EVA1C: variants seen among roughly 807,000 people sequenced by gnomAD.
EVA1C encodes eva-1 homolog C.
In EVA1C, 25 loss-of-function variants were observed where a neutral mutation model predicts 45.4. The observed-to-expected ratio is 0.55, with a 90% CI of 0.40 to 0.77. The LOEUF is 0.77. Among genes scored for constraint, EVA1C ranks in the 30% least tolerant of loss-of-function variants. The pLI is 0.00. For missense variants in EVA1C, 479 were observed against 554.8 expected (o/e 0.86, Z 1.37); for synonymous variants, 190 against 221.2 (o/e 0.86, Z 1.25).
intron 4 of EVA1C, 25 bp from the exon 5 acceptor site, chr21:32,495,002 G>C (rs768388099): frequency 1.2e-6 from 2 of 1,612,296 alleles, no homozygotes; most frequent in South Asian, 2.2e-5. Context: ...GCAACCTGAA[G>C]TTCTGGGTGT....
intron 4 of EVA1C, among the ~76,000 whole-genome samples, chr21:32,481,777 G>C (rs2036798349): frequency 1.3e-5 from 2 of 152,222 alleles, no homozygotes; most frequent in African/African-American, 4.8e-5. Flanking sequence ...AAATCGATAA[G>C]GGAGAATAAA....
At chr21:32,433,367 G>A (rs2034788517) in intron 1 of EVA1C, 1 of 152,372 alleles carries the variant, frequency 6.6e-6, no homozygotes, top group Non-Finnish European at 1.5e-5. Context: ...AGGCCTCCTG[G>A]TGTTCCCTGA....
intron 1 of EVA1C, among the ~76,000 whole-genome samples, chr21:32,417,111 TG>T (rs1163436557): frequency 6.6e-6 from 1 of 152,222 alleles, no homozygotes; most frequent in Non-Finnish European, 1.5e-5. Flanking sequence ...GGATTACAGG[TG>T]TGCACCACCC....
intron 1 of EVA1C, among the ~76,000 whole-genome samples, chr21:32,437,689 A>G (rs1221844154): frequency 6.6e-6 from 1 of 151,378 alleles, no homozygotes; most frequent in African/African-American, 2.4e-5. Context: ...TGCTGGCATC[A>G]CCTCCCACCT....
chr21:32,461,701 A>G (rs1213309535), intron 3 of EVA1C, among the ~76,000 whole-genome samples: 1 of 152,200 alleles, frequency 6.6e-6, no homozygotes, highest in African/African-American at 2.4e-5. Context: ...AATGCCACTG[A>G]TCGGGTTTAT....
intron 1 of EVA1C, among the ~76,000 whole-genome samples, chr21:32,436,309 G>T (rs1023957315): frequency 6.9e-6 from 1 of 145,194 alleles, no homozygotes; most frequent in South Asian, 2.2e-4. Context: ...TGATCCACCC[G>T]CCTCGGCCTC....
intron 4 of EVA1C, among the ~76,000 whole-genome samples, chr21:32,479,527 G>A (rs745996123): frequency 6.6e-6 from 1 of 152,126 alleles, no homozygotes; most frequent in Admixed American, 6.6e-5. Context: ...AGAATCCTGC[G>A]AACCATTCAG....
intron 1 of EVA1C, among the ~76,000 whole-genome samples, chr21:32,451,247 GCCCT>G (rs1466929695): frequency 6.6e-6 from 1 of 152,180 alleles, no homozygotes; most frequent in Admixed American, 6.5e-5. Flanking sequence ...TTCCTAAGCT[GCCCT>G]CCTTCACGCC....
chr21:32,450,070 C>T (rs2035522818), intron 1 of EVA1C, among the ~76,000 whole-genome samples: 1 of 152,228 alleles, frequency 6.6e-6, no homozygotes, highest in South Asian at 2.1e-4. Flanking sequence ...ATTCTATGCA[C>T]TGAGCTTCTG....
chr21:32,435,823 G>A (rs76754769), intron 1 of EVA1C, among the ~76,000 whole-genome samples: 1 of 127,104 alleles, frequency 7.9e-6, no homozygotes, highest in Admixed American at 8.0e-5. Flanking sequence ...TCATGATACT[G>A]TCATTTGTTA....
At position 32,457,609 on chromosome 21, in the gene EVA1C, G is replaced by A. The variant is rs1477197184; in HGVS notation, c.370G>A (p.Glu124Lys). The stretch of plus-strand genomic sequence containing the variant: ...CCTCTCCTTCTAGAAGGTGCTGGAC[G>A]AATGCCAGAACCAGCGGGCCTGCCA... ...AATTFQKVLD[E>K]CQNQRACHLL... The change falls in exon 3 of 8, where the codon GAA becomes AAA. Residue 124 changes from glutamate (E) to lysine (K), a missense_variant. By Grantham distance (56) the Glu-to-Lys change is moderately conservative. Transcript: ENST00000300255. The A allele has an allele frequency of 3.7e-6, 6 of 1,614,176 alleles. No homozygotes were observed. Among genetic ancestry groups the A allele is most frequent in the Middle Eastern group, 1.7e-4 (1 of 6,060 alleles).
intron 1 of EVA1C, among the ~76,000 whole-genome samples, chr21:32,423,636 C>G (rs185358078): frequency 4.5e-4 from 69 of 152,032 alleles, no homozygotes; most frequent in Non-Finnish European, 7.9e-4. Context: ...TTTACATTTC[C>G]TTACATGAAT....
At chr21:32,471,830 A>G (rs942243063) in intron 4 of EVA1C, among the ~76,000 whole-genome samples, 32 of 151,366 alleles carry the variant, frequency 2.1e-4, no homozygotes, top group African/African-American at 3.6e-4. Context: ...GGGTTTCACT[A>G]TGTTAGCCAG....
At chr21:32,459,404 C>G (rs2035913593) in intron 3 of EVA1C, among the ~76,000 whole-genome samples, 1 of 152,220 alleles carries the variant, frequency 6.6e-6, no homozygotes, top group South Asian at 2.1e-4. Context: ...TCTCAGTGTT[C>G]TTCCTCACTT....
rs547987833 is a variant in EVA1C, at chr21:32,509,466, A to AG, written c.950-5345dup. Among the ~76,000 whole-genome samples the AG allele has an allele frequency of 7.1e-4, 108 of 152,252 alleles. 1 individual carries two copies. The highest frequency in any genetic ancestry group is 2.0e-3 in the African/African-American group (85 of 41,550). On this transcript the variant is annotated intron_variant, in intron 7 of 7. Coordinates refer to ENST00000300255, the MANE Select transcript of EVA1C (RefSeq NM_058187.5). ...CACCCACCTCCCAGGAGAAGAGGAG[A>AG]GGGAAAAAAAGGGAGCTGATTTATG...
chr21:32,422,286 G>A (rs972320520), intron 1 of EVA1C, among the ~76,000 whole-genome samples: 4 of 152,136 alleles, frequency 2.6e-5, no homozygotes, highest in South Asian at 2.1e-4. Flanking sequence ...GAAATTATCC[G>A]GAATGAAGCA....
intron 2 of EVA1C, among the ~76,000 whole-genome samples, chr21:32,457,125 T>C (rs941610437): frequency 1.3e-5 from 2 of 152,184 alleles, no homozygotes; most frequent in East Asian, 1.9e-4. Context: ...AGCTCCCCGA[T>C]GCACAGCTCT....
At chr21:32,507,869 T>TCATGTGTGTGCATGTGTATCTGTG (rs1245800690) in intron 7 of EVA1C, among the ~76,000 whole-genome samples, 2 of 149,592 alleles carry the variant, frequency 1.3e-5, no homozygotes, top group African/African-American at 4.9e-5. Flanking sequence ...GTGTGTGCCG[T>TCATGTGTGTGCATGTGTATCTGTG]CATGTGTGTG....
At chr21:32,435,182 G>T (rs2034892751) in intron 1 of EVA1C, among the ~76,000 whole-genome samples, 1 of 151,090 alleles carries the variant, frequency 6.6e-6, no homozygotes, top group Non-Finnish European at 1.5e-5. Flanking sequence ...GGCCTTCTTT[G>T]TTGTCCCATC....
Sources: gnomAD v4.1 joint callset for allele counts (sites outside exome capture counted in the v4.1 genomes callset) on GRCh38, gnomAD v4.1.1 for gene constraint, MANE v1.5 for transcripts, NCBI Gene and HGNC (gene_info 2026-07-23, HGNC 2026-07-21) for gene names.